RPS6KA2: variants seen among roughly 807,000 people sequenced by gnomAD.
The protein encoded by RPS6KA2 is ribosomal protein S6 kinase A2, also known as ribosomal protein S6 kinase alpha-2.
A neutral mutation model predicts 91.8 loss-of-function variants in RPS6KA2; 42 were observed. The observed-to-expected ratio is 0.46, with a 90% confidence interval of 0.36 to 0.59. RPS6KA2 has a LOEUF of 0.59. Ranked by LOEUF, RPS6KA2 falls within the 20% of genes least tolerant of loss-of-function variation. The pLI is 0.00. For synonymous variants in RPS6KA2, 414 were observed against 393.6 expected, an observed-to-expected ratio of 1.05 and a Z score of -0.61; for missense variants, 798 against 978.5, an observed-to-expected ratio of 0.82 and a Z score of 2.46.
chr6:166,545,070 G>A (rs1783782342), intron 1 of RPS6KA2, among the ~76,000 whole-genome samples: 1 of 152,174 alleles, frequency 6.6e-6, no homozygotes, highest in Admixed American at 6.5e-5. Context: ...AATACCGGGT[G>A]CCATGTCAAG....
At chr6:166,586,081 A>G in intron 1 of RPS6KA2, 1 of 1,098,140 alleles carries the variant, frequency 9.1e-7, no homozygotes, top group South Asian at 1.6e-5. Flanking sequence ...TCTCATGGTA[A>G]CAGAGTAAAT....
intron 3 of RPS6KA2, among the ~76,000 whole-genome samples, chr6:166,510,582 T>A (rs1313016716): frequency 2.0e-5 from 1 of 49,712 alleles, no homozygotes; most frequent in African/African-American, 7.2e-5. Context: ...TATATATATA[T>A]ATATATATAT....
intron 2 of RPS6KA2, among the ~76,000 whole-genome samples, chr6:166,810,782 A>C (rs1471698252): frequency 3.9e-5 from 6 of 152,234 alleles, no homozygotes; most frequent in Admixed American, 2.6e-4. Flanking sequence ...GTTTGGACAC[A>C]TGTCAATTTC....
At chr6:166,591,775 T>G (rs1785362179) in intron 1 of RPS6KA2, among the ~76,000 whole-genome samples, 1 of 152,298 alleles carries the variant, frequency 6.6e-6, no homozygotes, top group South Asian at 2.1e-4. Context: ...TTTCTTACAG[T>G]AGCCCCAGAA....
At chr6:166,809,350 T>C (rs1779573960) in intron 2 of RPS6KA2, among the ~76,000 whole-genome samples, 1 of 152,162 alleles carries the variant, frequency 6.6e-6, no homozygotes, top group African/African-American at 2.4e-5. Flanking sequence ...GATTTGACAA[T>C]ATCAAAATCT....
chr6:166,444,017 A>G (rs1182823016), intron 14 of RPS6KA2, among the ~76,000 whole-genome samples: 3 of 152,192 alleles, frequency 2.0e-5, no homozygotes, highest in Non-Finnish European at 4.4e-5. Context: ...ATATATTTAC[A>G]TATTCCCCCA....
chr6:166,462,176 C>T (rs1043589755), intron 11 of RPS6KA2, among the ~76,000 whole-genome samples: 2 of 152,206 alleles, frequency 1.3e-5, no homozygotes, highest in African/African-American at 2.4e-5. Context: ...AAAAGTGCAA[C>T]GTCAACCAGC....
At position 166,783,553 on chromosome 6, in the gene RPS6KA2, TACATA is replaced by T. The variant is rs1778828934; in HGVS notation, c.123+74642_123+74646del. Among the ~76,000 whole-genome samples, 12 of 151,768 alleles carry T rather than the reference TACATA, an allele frequency of 7.9e-5. No homozygotes were observed. In the South Asian group the frequency reaches 2.5e-3, roughly 31 times the overall value. On this transcript the variant is annotated intron_variant, in intron 2 of 21. Coordinates refer to the RPS6KA2 transcript ENST00000503859. The stretch of plus-strand genomic sequence containing the variant: ...GATACAAATGACATAGATATATGCA[TACATA>T]CATATCTAAAATTTCATATATACAC...
intron 1 of RPS6KA2, chr6:166,858,318 T>A: frequency 1.1e-6 from 1 of 900,214 alleles, no homozygotes; most frequent in Non-Finnish European, 1.8e-6. Context: ...GTAGGTGGCC[T>A]CATACAGGTT....
chr6:166,514,795 C>T (rs1247566589), intron 3 of RPS6KA2, among the ~76,000 whole-genome samples: 1 of 152,168 alleles, frequency 6.6e-6, no homozygotes, highest in African/African-American at 2.4e-5. Flanking sequence ...ACTGAGACCT[C>T]AGGACCTCTC....
intron 1 of RPS6KA2, among the ~76,000 whole-genome samples, chr6:166,622,117 G>A (rs1160532918): frequency 1.3e-5 from 2 of 152,142 alleles, no homozygotes; most frequent in African/African-American, 2.4e-5. Context: ...GCTGTGCTGG[G>A]TGTGGCCAAA....
chr6:166,448,707 C>G lies in RPS6KA2; in HGVS notation c.1332+17G>C. The G allele has an allele frequency of 6.2e-7, 1 of 1,602,368 alleles. No homozygotes were observed. Among genetic ancestry groups the G allele is most frequent in the Non-Finnish European group, 8.5e-7 (1 of 1,173,520 alleles). ...GCACTCACACAGGGCCCTGCTCACT[C>G]AGCAGGCCTGCCTTACCTTCACGGC... On this transcript the variant is annotated intron_variant, in intron 14 of 20. Coordinates refer to ENST00000265678, the MANE Select transcript of RPS6KA2 (RefSeq NM_021135.6). This position sits in a 1 kb window ranked among gnomAD's most constrained non-coding sequence, Gnocchi z 4.7.
rs1258345588 is a variant in RPS6KA2, at chr6:166,437,482, C to T, written c.1333-4992G>A. 1.3e-5 allele frequency among the ~76,000 whole-genome samples: 2 copies of T among 152,156 alleles called. No homozygotes were observed. The highest frequency in any genetic ancestry group is 2.9e-5 in the Non-Finnish European group (2 of 68,022). The stretch of plus-strand genomic sequence containing the variant: ...GGTGTCGTGGGGCGGGGGACAAGCT[C>T]GCTCAGCTTTCTTTTTCTCATCTGG... On this transcript the variant is annotated intron_variant, in intron 14 of 20. Transcript: ENST00000265678. This position sits in a 1 kb window ranked among gnomAD's most constrained non-coding sequence, Gnocchi z 4.3.
In RPS6KA2 at chr6:166,605,731, T is replaced by G. The variant is rs189998663; in HGVS notation, c.99+21190A>C. ...CACAGATACACCTCCCTCCACACATTCAACTGAGATCTTTCAAAGGTGACA... is the reference window on the plus strand; with the variant it reads ...CACAGATACACCTCCCTCCACACATGCAACTGAGATCTTTCAAAGGTGACA... On this transcript the variant is annotated intron_variant, in intron 1 of 20. Transcript: ENST00000265678. 5.6e-4 allele frequency among the ~76,000 whole-genome samples: 86 copies of G among 152,270 alleles called. No homozygotes were observed. The East Asian group carries it at 0.01, about 18-fold the overall frequency.
chr6:166,523,905 GTC>G (rs1167721774), intron 3 of RPS6KA2, among the ~76,000 whole-genome samples: 1 of 152,202 alleles, frequency 6.6e-6, no homozygotes, highest in Middle Eastern at 3.2e-3. Context: ...ATTGATACCT[GTC>G]TATGCGGGTC....
intron 16 of RPS6KA2, among the ~76,000 whole-genome samples, chr6:166,429,940 G>C: frequency 6.6e-6 from 1 of 151,628 alleles, no homozygotes; most frequent in East Asian, 1.9e-4. Flanking sequence ...GATGGGCAGA[G>C]GGAAAAAAGA....
chr6:166,703,487 A>C (rs1205776559), intron 2 of RPS6KA2, among the ~76,000 whole-genome samples: 2 of 152,264 alleles, frequency 1.3e-5, no homozygotes, highest in African/African-American at 2.4e-5. Context: ...TCAGGTTGCC[A>C]CATCAGTCAG....
At chr6:166,748,549 TG>T (rs1260029986) in intron 2 of RPS6KA2, among the ~76,000 whole-genome samples, 1 of 66,426 alleles carries the variant, frequency 1.5e-5, no homozygotes, top group East Asian at 5.9e-4. Flanking sequence ...CCCATCCCCT[TG>T]GGCCCCCACC....
chr6:166,502,876 A>G (rs910824476), intron 6 of RPS6KA2, among the ~76,000 whole-genome samples: 3 of 152,160 alleles, frequency 2.0e-5, no homozygotes, highest in African/African-American at 4.8e-5. Context: ...ACTCTGGATA[A>G]AGTCTTTTTT....
Sources: allele counts gnomAD v4.1 joint callset (sites outside exome capture counted in the v4.1 genomes callset), GRCh38; gene constraint gnomAD v4.1.1; non-coding constraint Gnocchi (gnomAD v3.1); transcripts MANE v1.5; gene names NCBI Gene and HGNC (gene_info 2026-07-23, HGNC 2026-07-21).